The following GLI3 variants were observed in gnomAD, a reference collection of about 807,000 sequenced individuals.
The protein encoded by GLI3 is transcription activator GLI3.
In GLI3, 20 loss-of-function variants were observed where a neutral mutation model predicts 100.8. The observed-to-expected ratio is 0.20, with a 90% CI of 0.14 to 0.29. GLI3 has a LOEUF of 0.29. Among genes scored for constraint, GLI3 ranks in the 10% least tolerant of loss-of-function variants. GLI3 has a pLI of 1.00. For missense variants in GLI3, 2,040 were observed against 2,128.5 expected (o/e 0.96, Z 0.82); for synonymous variants, 938 against 860.5 (o/e 1.09, Z -1.58).
intron 3 of GLI3, among the ~76,000 whole-genome samples, chr7:42,147,564 A>C (rs189266315): frequency 6.6e-6 from 1 of 152,152 alleles, no homozygotes; most frequent in East Asian, 1.9e-4. Flanking sequence ...ACCCTTATAC[A>C]TTTTTCTTTA....
chr7:42,232,343 G>A (rs993278196), intron 1 of GLI3, among the ~76,000 whole-genome samples: 1 of 152,192 alleles, frequency 6.6e-6, no homozygotes, highest in Non-Finnish European at 1.5e-5. Flanking sequence ...GTAGGGAGGG[G>A]ACTTACCTCA....
chr7:42,244,222 A>G (rs538878055), intron 1 of GLI3, among the ~76,000 whole-genome samples: 5 of 152,272 alleles, frequency 3.3e-5, no homozygotes, highest in East Asian at 3.9e-4. Flanking sequence ...TGGGAGTCCA[A>G]TTTCTCCCCC....
chr7:42,157,752 T>A (rs1247571970), intron 2 of GLI3, among the ~76,000 whole-genome samples: 1 of 152,230 alleles, frequency 6.6e-6, no homozygotes, highest in African/African-American at 2.4e-5. Flanking sequence ...ACTATAATTA[T>A]CTAAAGAAGT....
chr7:42,091,035 GC>G (rs1176954496), intron 3 of GLI3, among the ~76,000 whole-genome samples: 1 of 152,124 alleles, frequency 6.6e-6, no homozygotes, highest in African/African-American at 2.4e-5. Flanking sequence ...CAGGCATGGG[GC>G]CTGTGCAGCC....
At chr7:41,995,929 A>G (rs1283680952) in intron 10 of GLI3, among the ~76,000 whole-genome samples, 1 of 152,206 alleles carries the variant, frequency 6.6e-6, no homozygotes, top group East Asian at 1.9e-4. Flanking sequence ...CAAGGGTTAA[A>G]TTAGTTATCC....
At chr7:42,255,299 C>G (rs1251646580) in intron 1 of GLI3, among the ~76,000 whole-genome samples, 2 of 152,170 alleles carry the variant, frequency 1.3e-5, no homozygotes, top group Non-Finnish European at 2.9e-5. Flanking sequence ...CACTGCCAGC[C>G]TTATCATTGT....
intron 2 of GLI3, among the ~76,000 whole-genome samples, chr7:42,203,398 A>T (rs2128693884): frequency 6.6e-6 from 1 of 152,212 alleles, no homozygotes; most frequent in African/African-American, 2.4e-5. Flanking sequence ...CTGTCCCCCA[A>T]GTGCCCCATC....
intron 10 of GLI3, among the ~76,000 whole-genome samples, chr7:42,014,123 T>G (rs1788692240): frequency 6.6e-6 from 1 of 152,226 alleles, no homozygotes; most frequent in Non-Finnish European, 1.5e-5. Flanking sequence ...TTTAATACAC[T>G]GTACTTGCAA....
At chr7:41,973,732 A>T (rs1380211029) in intron 12 of GLI3, among the ~76,000 whole-genome samples, 2 of 152,198 alleles carry the variant, frequency 1.3e-5, no homozygotes, top group Non-Finnish European at 2.9e-5. Context: ...TGTCTAAAAG[A>T]TGCTTTTTCA....
chr7:42,188,873 T>C (rs1212868689), intron 2 of GLI3, among the ~76,000 whole-genome samples: 1 of 152,200 alleles, frequency 6.6e-6, no homozygotes, highest in Admixed American at 6.5e-5. Flanking sequence ...CAGGGGATTT[T>C]GAAGGCAATA....
chr7:42,039,900 C>T, intron 7 of GLI3, 138 bp downstream of exon 7: 2 of 713,522 alleles, frequency 2.8e-6, no homozygotes, highest in South Asian at 3.2e-5. Context: ...ATTTGACCTG[C>T]CTCTTGGTAT....
intron 10 of GLI3, among the ~76,000 whole-genome samples, chr7:41,990,865 AGT>A (rs57245025): frequency 0.069 from 9,739 of 142,168 alleles, 761 homozygotes; most frequent in African/African-American, 0.2. Flanking sequence ...GATTAAGGCA[AGT>A]GTGTGTGTGT....
rs201707528 is a variant in GLI3, at chr7:42,092,785, T to TTTTATTTATTTATTTATTTA, written c.368-15948_368-15929dup. Among the ~76,000 whole-genome samples the TTTTATTTATTTATTTATTTA allele has an allele frequency of 3.1e-3, 452 of 145,488 alleles. 5 individuals carry two copies. Among genetic ancestry groups the TTTTATTTATTTATTTATTTA allele is most frequent in the African/African-American group, 0.011 (427 of 38,926 alleles). ...GGGGCTCATCTTTTATTTTATTTCA[T>TTTTATTTATTTATTTATTTA]TTTATTTATTTATTTATTTATTTAT... On this transcript the variant is annotated intron_variant, in intron 3 of 14. Transcript: ENST00000395925.
At chr7:42,170,571 T>G (rs944542966) in intron 2 of GLI3, among the ~76,000 whole-genome samples, 2 of 151,692 alleles carry the variant, frequency 1.3e-5, no homozygotes, top group African/African-American at 4.8e-5. Context: ...CCCAGCCAAT[T>G]TTTTGTATTT....
intron 1 of GLI3, among the ~76,000 whole-genome samples, chr7:42,244,241 T>C (rs941115696): frequency 1.3e-5 from 2 of 152,224 alleles, no homozygotes; most frequent in Non-Finnish European, 2.9e-5. Flanking sequence ...CCAAGAGAAA[T>C]TAGTTTCTTG....
chr7:42,225,678 C>T (rs146652816), intron 1 of GLI3, among the ~76,000 whole-genome samples: 48 of 152,324 alleles, frequency 3.2e-4, no homozygotes, highest in African/African-American at 1.1e-3. Flanking sequence ...TTTATTTTTG[C>T]TCACTGCTGT....
rs112482024 is a variant in GLI3, at chr7:42,221,284, T to G, written c.124+1846A>C. Among the ~76,000 whole-genome samples, 333 of 152,206 alleles carry G rather than the reference T, an allele frequency of 2.2e-3. 2 individuals carry two copies. The highest frequency in any genetic ancestry group is 7.6e-3 in the African/African-American group (317 of 41,538). On this transcript the variant is annotated intron_variant, in intron 2 of 14. Transcript: ENST00000395925. ...CTCCTGAGAATGTGTCCAGGTGTGG[T>G]AGTGGCACAAACAACAGCATCTTCA...
chr7:42,108,208 C>T (rs909434160), intron 3 of GLI3, among the ~76,000 whole-genome samples: 12 of 152,182 alleles, frequency 7.9e-5, no homozygotes, highest in African/African-American at 2.9e-4. Flanking sequence ...TACGTGGATG[C>T]TTAATGGAAC....
At chr7:42,229,244 CTCTTT>C (rs1321906881) in intron 1 of GLI3, among the ~76,000 whole-genome samples, 2 of 152,174 alleles carry the variant, frequency 1.3e-5, no homozygotes, top group African/African-American at 2.4e-5. Context: ...AAACTCTCTT[CTCTTT>C]TTTTTCTTAG....
Sources: gnomAD v4.1 joint callset for allele counts (sites outside exome capture counted in the v4.1 genomes callset) on GRCh38, gnomAD v4.1.1 for gene constraint, MANE v1.5 for transcripts, NCBI Gene and HGNC (gene_info 2026-07-23, HGNC 2026-07-21) for gene names.